The following AMIGO2 variants were observed in gnomAD, a reference collection of about 807,000 sequenced individuals.
AMIGO2 encodes amphoterin-induced protein 2.
In AMIGO2, 15 loss-of-function variants were observed where a neutral mutation model predicts 23.7. The ratio of observed to expected loss-of-function variants is 0.63; its 90% CI spans 0.42 to 0.98. The LOEUF is 0.98. AMIGO2 is among the 50% of genes least tolerant of loss of function. The pLI, the probability that AMIGO2 is intolerant of heterozygous loss-of-function variation, is 0.00. For missense variants in AMIGO2, 561 were observed against 633.1 expected (o/e 0.89, Z 1.22); for synonymous variants, 264 against 252.3 (o/e 1.05, Z -0.44).
rs143243845 is a variant in AMIGO2 at position 47,078,310 on chromosome 12, G to A, written c.693C>T (p.Val231=). The A allele has an allele frequency of 3.2e-5, 51 of 1,613,986 alleles. No homozygotes were observed. In the South Asian group the frequency reaches 4.1e-4, roughly 13 times the overall value. The change falls in exon 3 of 3, where the codon GTC becomes GTT. Residue 231 remains valine, a synonymous_variant. Coordinates refer to ENST00000550413, the MANE Select transcript of AMIGO2 (RefSeq NM_001370299.1). ...RGIYLHGNPF[V]CDCSLYSLLV... ...GCAAGGAGTACAGGGAACAGTCACA[G>A]ACAAATGGGTTTCCATGAAGGTAGA...
In AMIGO2 at chr12:47,077,548, G is replaced by A. The variant is rs779771382; in HGVS notation, c.1455C>T (p.Leu485=). ...TAAGQNGKVR[L]FPSEAVIAEG... ...CAGCTATCACTGCCTCGCTGGGAAA[G>A]AGCCTGACTTTCCCGTTCTGCCCTG... Residue 485 remains leucine, a synonymous_variant, in exon 3 of 3, where the codon CTC becomes CTT. Coordinates refer to ENST00000550413, the MANE Select transcript of AMIGO2 (RefSeq NM_001370299.1). The A allele has an allele frequency of 1.1e-5, 17 of 1,614,228 alleles. No homozygotes were observed. The East Asian group carries it at 3.3e-4, about 32-fold the overall frequency.
At position 47,077,307 on chromosome 12, in the gene AMIGO2, A is replaced by G; in HGVS notation, c.*127T>C. 1 of 1,284,146 alleles carries G rather than the reference A, an allele frequency of 7.8e-7. No individual in the cohort carries two copies. Among genetic ancestry groups the G allele is most frequent in the Non-Finnish European group, 1.0e-6 (1 of 956,578 alleles). 79.5% of individuals were successfully genotyped at this position (1,284,146 alleles called of 1,614,324 possible). On this transcript the variant is annotated 3_prime_UTR_variant, in exon 3 of 3. Coordinates refer to ENST00000550413, the MANE Select transcript of AMIGO2 (RefSeq NM_001370299.1). ...ACCTCATTTCCTACCAATCATTTTA[A>G]GAGAATTTGGTTGTATTTCAAAGAA...
In AMIGO2 at chr12:47,078,522, A is replaced by G; in HGVS notation, c.481T>C (p.Phe161Leu). ...TTCTGCAACTGGGAGAGCCCTCCAA[A>G]CGCTGAAGGATCGAGATAGGATATG... Reference protein sequence around the residue: ...NHISYLDPSAFGGLSQLQKLY... With the variant: ...NHISYLDPSALGGLSQLQKLY... The change falls in exon 3 of 3, where the codon TTT becomes CTT. Residue 161 changes from phenylalanine to leucine, a missense_variant. Physicochemically the swap from Phe to Leu is conservative, Grantham distance 22. Transcript: ENST00000550413. 2 of 1,614,248 alleles carry G rather than the reference A, an allele frequency of 1.2e-6. No homozygotes were observed. Among genetic ancestry groups the G allele is most frequent in the Non-Finnish European group, 1.7e-6 (2 of 1,180,052 alleles).
chr12:47,077,540 C>A lies in AMIGO2; in HGVS notation c.1463G>T (p.Ser488Ile). 1 of 1,614,242 alleles carries A rather than the reference C, an allele frequency of 6.2e-7. No homozygotes were observed. Among genetic ancestry groups the A allele is most frequent in the Non-Finnish European group, 8.5e-7 (1 of 1,180,042 alleles). The change falls in exon 3 of 3, where the codon AGC (serine) becomes ATC (isoleucine). Residue 488 changes from serine to isoleucine, a missense_variant. By Grantham distance (142) the Ser-to-Ile change is moderately radical. Coordinates refer to ENST00000550413, the MANE Select transcript of AMIGO2 (RefSeq NM_001370299.1). ...GATGCCCTCAGCTATCACTGCCTCG[C>A]TGGGAAAGAGCCTGACTTTCCCGTT... is the stretch of plus-strand genomic sequence containing the variant. ...GQNGKVRLFP[S>I]EAVIAEGILK...
In AMIGO2 at chr12:47,078,085, C is replaced by A; in HGVS notation, c.918G>T (p.Leu306=). 1 of 1,614,156 alleles carries A rather than the reference C, an allele frequency of 6.2e-7. No individual in the cohort carries two copies. The highest frequency in any genetic ancestry group is 8.5e-7 in the Non-Finnish European group (1 of 1,180,046). ...CTGTCTTGCTGTCACAGTGGACCAT[C>A]AGTCTTTCCCCGACCTGAGCCTCAT... ...FIHEAQVGER[L]MVHCDSKTGN... is the part of the protein sequence containing the mutation. Residue 306 remains leucine, a synonymous_variant, in exon 3 of 3, where the codon CTG becomes CTT. Coordinates refer to ENST00000550413, the MANE Select transcript of AMIGO2 (RefSeq NM_001370299.1).
At position 47,078,852 on chromosome 12, in the gene AMIGO2, T is replaced by C. The variant is rs755894400; in HGVS notation, c.151A>G (p.Ile51Val). The change falls in exon 3 of 3, where the codon ATC becomes GTC. Residue 51 changes from isoleucine (I) to valine (V), a missense_variant. Physicochemically the swap from Ile to Val is conservative, Grantham distance 29. Transcript: ENST00000550413. ...CPTACICATD[I>V]VSCTNKNLSK... ...AGGTTTTTGTTGGTGCAGCTGACGATGTCAGTGGCACAGATGCAAGCGGTG... is the reference window on the plus strand; with the variant it reads ...AGGTTTTTGTTGGTGCAGCTGACGACGTCAGTGGCACAGATGCAAGCGGTG... 6.2e-7 allele frequency: 1 copy of C among 1,614,234 alleles called. No individual in the cohort carries two copies. The highest frequency in any genetic ancestry group is 1.7e-5 in the Admixed American group (1 of 60,036).
In AMIGO2 at chr12:47,078,124, C is replaced by G; in HGVS notation, c.879G>C (p.Ala293=). 2 of 1,614,098 alleles carry G rather than the reference C, an allele frequency of 1.2e-6. No homozygotes were observed. The highest frequency in any genetic ancestry group is 1.7e-6 in the Non-Finnish European group (2 of 1,180,022). Residue 293 remains alanine, a synonymous_variant, in exon 3 of 3, where the codon GCG becomes GCC. Transcript: ENST00000550413. ...CCTGAGCCTCATGAATAAAGCCAAG[C>G]GCACGAAAGGAACCATTGATGATGC... is the stretch of plus-strand genomic sequence containing the variant. The part of the protein sequence containing the change: ...SDSIINGSFR[A]LGFIHEAQVG...
In AMIGO2 at chr12:47,077,295, C is replaced by T; in HGVS notation, c.*139G>A. 8.2e-7 allele frequency: 1 copy of T among 1,225,474 alleles called. No individual in the cohort carries two copies. Among genetic ancestry groups the T allele is most frequent in the Non-Finnish European group, 1.1e-6 (1 of 907,674 alleles). 75.9% of individuals were successfully genotyped at this position (1,225,474 alleles called of 1,614,324 possible). ...CTGAAGTACTTTACCTCATTTCCTACCAATCATTTTAAGAGAATTTGGTTG... is the reference window on the plus strand; with the variant it reads ...CTGAAGTACTTTACCTCATTTCCTATCAATCATTTTAAGAGAATTTGGTTG... On this transcript the variant is annotated 3_prime_UTR_variant, in exon 3 of 3. Transcript: ENST00000550413.
Position 47,077,617 on chromosome 12 carries a change from T to C in AMIGO2, c.1386A>G (p.Ala462=), listed in dbSNP as rs1305080501. 6.2e-7 allele frequency: 1 copy of C among 1,614,106 alleles called. No homozygotes were observed. The highest frequency in any genetic ancestry group is 8.5e-7 in the Non-Finnish European group (1 of 1,180,042). The stretch of plus-strand genomic sequence containing the variant: ...GTTCCAAAAACACCACTCTTTTACC[T>C]GCACCTGCCTTCCGTTCATCAGCGG... ...DASADERKAG[A]GKRVVFLEPL... Residue 462 remains alanine (A), a synonymous_variant, in exon 3 of 3, where the codon GCA becomes GCG. Transcript: ENST00000550413.
chr12:47,078,343 C>T lies in AMIGO2; in HGVS notation c.660G>A (p.Leu220=). The change falls in exon 3 of 3, where the codon CTG becomes CTA. Residue 220 remains leucine, a synonymous_variant. Coordinates refer to ENST00000550413, the MANE Select transcript of AMIGO2 (RefSeq NM_001370299.1). ...GGTTTCCATGAAGGTAGATGCCTCTCAGCTGTTTTCCTGGCACTAAATTTA... is the reference window on the plus strand; with the variant it reads ...GGTTTCCATGAAGGTAGATGCCTCTTAGCTGTTTTCCTGGCACTAAATTTA... The part of the protein sequence containing the change: ...HHINLVPGKQ[L]RGIYLHGNPF... The T allele has an allele frequency of 6.2e-7, 1 of 1,613,862 alleles. No individual in the cohort carries two copies. The highest frequency in any genetic ancestry group is 8.5e-7 in the Non-Finnish European group (1 of 1,180,036).
In AMIGO2 at chr12:47,078,850, G is replaced by C. The variant is rs1438385044; in HGVS notation, c.153C>G (p.Ile51Met). The part of the protein sequence containing the change: ...CPTACICATD[I>M]VSCTNKNLSK... ...ACAGGTTTTTGTTGGTGCAGCTGAC[G>C]ATGTCAGTGGCACAGATGCAAGCGG... is the stretch of plus-strand genomic sequence containing the variant. Residue 51 changes from isoleucine (I) to methionine (M), a missense_variant, in exon 3 of 3, where the codon ATC (isoleucine) becomes ATG (methionine). By Grantham distance (10) the Ile-to-Met change is conservative. Transcript: ENST00000550413. 1.2e-6 allele frequency: 2 copies of C among 1,614,206 alleles called. No individual in the cohort carries two copies. Among genetic ancestry groups the C allele is most frequent in the Non-Finnish European group, 1.7e-6 (2 of 1,180,032 alleles).
In AMIGO2 at chr12:47,078,228, T is replaced by G. The variant is rs757305390; in HGVS notation, c.775A>C (p.Thr259Pro). ...CTGGAGTCAGACCACAGGCGACAGG[T>G]GTAATCGTTCTTAAAATCCATCACT... Reference protein sequence around the residue: ...SSVMDFKNDYTCRLWSDSRHS... With the variant: ...SSVMDFKNDYPCRLWSDSRHS... Residue 259 changes from threonine to proline, a missense_variant, in exon 3 of 3, where the codon ACC becomes CCC. Coordinates refer to ENST00000550413, the MANE Select transcript of AMIGO2 (RefSeq NM_001370299.1). 6.2e-7 allele frequency: 1 copy of G among 1,614,096 alleles called. No homozygotes were observed.
chr12:47,077,297 A>G lies in AMIGO2; in HGVS notation c.*137T>C. 4 of 1,238,348 alleles carry G rather than the reference A, an allele frequency of 3.2e-6. No individual in the cohort carries two copies. Among genetic ancestry groups the G allele is most frequent in the Non-Finnish European group, 4.4e-6 (4 of 918,552 alleles). 76.7% of individuals were successfully genotyped at this position (1,238,348 alleles called of 1,614,324 possible). A position where few individuals can be genotyped will look rare whatever the true frequency, so the allele number is the denominator to read the frequency against. ...GAAGTACTTTACCTCATTTCCTACC[A>G]ATCATTTTAAGAGAATTTGGTTGTA... On this transcript the variant is annotated 3_prime_UTR_variant, in exon 3 of 3. Transcript: ENST00000550413.
Position 47,078,124 on chromosome 12 carries a change from C to T in AMIGO2, c.879G>A (p.Ala293=). 4 of 1,614,098 alleles carry T rather than the reference C, an allele frequency of 2.5e-6. No homozygotes were observed. Among genetic ancestry groups the T allele is most frequent in the East Asian group, 2.2e-5 (1 of 44,880 alleles). ...SDSIINGSFR[A]LGFIHEAQVG... ...CCTGAGCCTCATGAATAAAGCCAAG[C>T]GCACGAAAGGAACCATTGATGATGC... The change falls in exon 3 of 3, where the codon GCG becomes GCA. Residue 293 remains alanine (A), a synonymous_variant. Transcript: ENST00000550413.
In AMIGO2 at chr12:47,077,748, G is replaced by C; in HGVS notation, c.1255C>G (p.Leu419Val). 1.2e-6 allele frequency: 2 copies of C among 1,614,218 alleles called. No individual in the cohort carries two copies. Among genetic ancestry groups the C allele is most frequent in the South Asian group, 2.2e-5 (2 of 91,086 alleles). Residue 419 changes from leucine to valine, a missense_variant, in exon 3 of 3, where the codon CTG becomes GTG. Leu to Val is a conservative substitution (Grantham distance 32, BLOSUM62 1). Coordinates refer to ENST00000550413, the MANE Select transcript of AMIGO2 (RefSeq NM_001370299.1). ...TTACACTTGCAGGGGCATGGAGTCAGATAGAGGTACAAAAGTACCAAAACG... is the reference window on the plus strand; with the variant it reads ...TTACACTTGCAGGGGCATGGAGTCACATAGAGGTACAAAAGTACCAAAACG... Reference protein sequence around the residue: ...SIVLVLLYLYLTPCPCKCKTK... With the variant: ...SIVLVLLYLYVTPCPCKCKTK...
Position 47,079,488 on chromosome 12 carries a change from G to A in AMIGO2, c.-197C>T, listed in dbSNP as rs1941919805. 6.6e-6 allele frequency: 1 copy of A among 152,572 alleles called. No homozygotes were observed. The highest frequency in any genetic ancestry group is 6.5e-5 in the Admixed American group (1 of 15,294). The allele number at this position is 152,572 out of a possible 1,614,324, so 9.5% of individuals were successfully genotyped here. ...GTGCTGGGGAGCCTCGTGGGCTCCG[G>A]GGAGGCTGCCTACGCAGTGCCTTCC... On this transcript the variant is annotated 5_prime_UTR_variant, in exon 1 of 3. Coordinates refer to ENST00000550413, the MANE Select transcript of AMIGO2 (RefSeq NM_001370299.1).
chr12:47,078,367 T>A lies in AMIGO2; in HGVS notation c.636A>T (p.Ile212=). ...NRIPSMPMHH[I]NLVPGKQLRG... Reference sequence around the variant, plus strand: ...TCAGCTGTTTTCCTGGCACTAAATTTATGTGGTGCATTGGCATGGAAGGAA... The same window carrying A: ...TCAGCTGTTTTCCTGGCACTAAATTAATGTGGTGCATTGGCATGGAAGGAA... The change falls in exon 3 of 3, where the codon ATA becomes ATT. Residue 212 remains isoleucine, a synonymous_variant. Transcript: ENST00000550413. 2 of 1,613,988 alleles carry A rather than the reference T, an allele frequency of 1.2e-6. No homozygotes were observed. The highest frequency in any genetic ancestry group is 3.3e-5 in the Admixed American group (2 of 60,030).
Position 47,078,187 on chromosome 12 carries a change from T to A in AMIGO2, c.816A>T (p.Val272=). ...LWSDSRHSRQ[V]LLLQDSFMNC... ...TCATAAAGCTATCCTGGAGCAGAAG[T>A]ACCTGACGCGAGTGCCTGGAGTCAG... The change falls in exon 3 of 3, where the codon GTA becomes GTT. Residue 272 remains valine, a synonymous_variant. Coordinates refer to ENST00000550413, the MANE Select transcript of AMIGO2 (RefSeq NM_001370299.1). 3 of 1,614,204 alleles carry A rather than the reference T, an allele frequency of 1.9e-6. No homozygotes were observed. The highest frequency in any genetic ancestry group is 2.5e-6 in the Non-Finnish European group (3 of 1,180,038).
downstream of AMIGO2, chr12:47,075,725 G>A (rs1236730610): frequency 1.3e-5 from 2 of 152,110 alleles, no homozygotes; most frequent in Non-Finnish European, 2.9e-5. Flanking sequence ...GTCAGTGGTT[G>A]ATCTTCTATC....
Sources: gnomAD v4.1 joint callset for allele counts on GRCh38, gnomAD v4.1.1 for gene constraint, MANE v1.5 for transcripts, NCBI Gene and HGNC (gene_info 2026-07-23, HGNC 2026-07-21) for gene names.